The following PSMD9 variants were observed in gnomAD, a reference collection of about 807,000 sequenced individuals.
PSMD9 encodes the protein proteasome 26S subunit, non-ATPase 9.
A neutral mutation model predicts 25.9 loss-of-function variants in PSMD9; 26 were observed. The observed-to-expected ratio is 1.00, with a 90% CI of 0.73 to 1.39. The LOEUF (loss-of-function observed/expected upper bound fraction) is 1.39, where lower values mean the gene tolerates loss of function less well. Among genes scored for constraint, PSMD9 ranks in the 40% most tolerant of loss-of-function variants. The pLI, the probability that PSMD9 is intolerant of heterozygous loss-of-function variation, is 0.00. For synonymous variants in PSMD9, 110 were observed against 114.5 expected (o/e 0.96, Z 0.25); for missense variants, 303 against 299.3 (o/e 1.01, Z -0.09).
At chr12:121,899,877 C>G in intron 3 of PSMD9, 32 bp downstream of exon 3, 2 of 1,611,644 alleles carry the variant, frequency 1.2e-6, no homozygotes, top group Non-Finnish European at 1.7e-6. Context: ...CAAGTCCATG[C>G]CCAGGGGACA....
intron 1 of PSMD9, 136 bp downstream of exon 1, chr12:121,889,130 C>T (rs1878983354): frequency 6.4e-6 from 7 of 1,092,942 alleles, no homozygotes; most frequent in South Asian, 4.9e-5. Flanking sequence ...GCAAGTGCGG[C>T]CTCTGTCGGC....
At chr12:121,897,250 C>T (rs1047088119) in intron 2 of PSMD9, 1 of 152,038 alleles carries the variant, frequency 6.6e-6, no homozygotes. Context: ...ATTACAGGTG[C>T]CCACCATCAC....
chr12:121,907,816 G>A (rs1183522328), intron 4 of PSMD9, among the ~76,000 whole-genome samples: 4 of 152,194 alleles, frequency 2.6e-5, no homozygotes, highest in Non-Finnish European at 5.9e-5. Context: ...AAGGCAGGAG[G>A]ATCACTTGAG....
intron 4 of PSMD9, among the ~76,000 whole-genome samples, chr12:121,913,931 A>T (rs1404664269): frequency 6.6e-6 from 1 of 151,292 alleles, no homozygotes; most frequent in East Asian, 2.0e-4. Context: ...ACAGGGTCTC[A>T]CTCTGTTGCC....
At chr12:121,912,245 G>T (rs1022966674) in intron 4 of PSMD9, among the ~76,000 whole-genome samples, 13 of 150,990 alleles carry the variant, frequency 8.6e-5, no homozygotes, top group Non-Finnish European at 1.8e-4. Context: ...GCCCAGGCTG[G>T]TCTTGAATTC....
At chr12:121,909,007 T>G (rs1879639678) in intron 4 of PSMD9, among the ~76,000 whole-genome samples, 1 of 151,184 alleles carries the variant, frequency 6.6e-6, no homozygotes, top group East Asian at 1.9e-4. Flanking sequence ...CACCGCACAG[T>G]TCCAGATTGG....
At chr12:121,914,225 C>T (rs1879825728) in intron 4 of PSMD9, 1 of 151,954 alleles carries the variant, frequency 6.6e-6, no homozygotes, top group South Asian at 2.1e-4. Context: ...TATGTACTCC[C>T]CCTGCTTTAA....
At chr12:121,900,463 A>G (rs867284643) in intron 3 of PSMD9, among the ~76,000 whole-genome samples, 19 of 151,324 alleles carry the variant, frequency 1.3e-4, no homozygotes, top group African/African-American at 4.6e-4. Context: ...GGCCGAGGCC[A>G]GTGGATCACT....
intron 4 of PSMD9, among the ~76,000 whole-genome samples, chr12:121,905,088 A>G (rs1161496132): frequency 6.6e-6 from 1 of 151,944 alleles, no homozygotes; most frequent in Non-Finnish European, 1.5e-5. Flanking sequence ...CTTTCCAGCC[A>G]CATGTCCTTC....
chr12:121,899,886 C>T, intron 3 of PSMD9, 41 bp downstream of exon 3: 1 of 1,607,608 alleles, frequency 6.2e-7, no homozygotes, highest in African/African-American at 1.3e-5. Context: ...GCCCAGGGGA[C>T]ACGGTGGGTC....
chr12:121,894,966 C>A, intron 2 of PSMD9, 125 bp downstream of exon 2: 1 of 834,570 alleles, frequency 1.2e-6, no homozygotes, highest in Non-Finnish European at 1.9e-6. Context: ...TTGTCTTGTC[C>A]CCATCCAAGG....
intron 4 of PSMD9, chr12:121,911,002 T>A (rs1879703057): frequency 6.6e-6 from 3 of 456,208 alleles, no homozygotes; most frequent in Non-Finnish European, 1.3e-5. Context: ...AGGGACCTCA[T>A]CTAGGTGAAA....
intron 4 of PSMD9, among the ~76,000 whole-genome samples, chr12:121,909,441 G>T (rs891643593): frequency 1.4e-4 from 21 of 151,740 alleles, no homozygotes. Context: ...GGCCTCCCAG[G>T]TAGCTGGGAC....
At chr12:121,893,326 C>T (rs548180646) in intron 1 of PSMD9, among the ~76,000 whole-genome samples, 22 of 152,288 alleles carry the variant, frequency 1.4e-4, no homozygotes, top group Middle Eastern at 6.8e-3. Context: ...GGGTGTAACC[C>T]GGAGGCTTCC....
chr12:121,892,713 A>AG (rs1045427523), intron 1 of PSMD9, among the ~76,000 whole-genome samples: 20 of 151,726 alleles, frequency 1.3e-4, no homozygotes, highest in African/African-American at 4.9e-4. Flanking sequence ...AAAAAAAAAA[A>AG]TTAAAAATTA....
At chr12:121,907,012 C>A (rs1879580192) in intron 4 of PSMD9, among the ~76,000 whole-genome samples, 1 of 150,284 alleles carries the variant, frequency 6.7e-6, no homozygotes, top group African/African-American at 2.4e-5. Context: ...TATTGTGAGA[C>A]ATTTAGATAG....
intron 1 of PSMD9, among the ~76,000 whole-genome samples, chr12:121,892,488 C>T (rs983304657): frequency 3.9e-5 from 6 of 152,118 alleles, no homozygotes; most frequent in Admixed American, 3.9e-4. Context: ...ATCACGAGGT[C>T]AGGAGATCGA....
In PSMD9 at chr12:121,916,026, G is replaced by A. The variant is rs138078914; in HGVS notation, c.644+82G>A. On this transcript the variant is annotated intron_variant, in intron 5 of 5. Coordinates refer to ENST00000541212, the MANE Select transcript of PSMD9 (RefSeq NM_002813.7). ...CATGAAGCTGGAGGGGAAGGCTGGG[G>A]AGACATTGGGGAATAATGGGAATCC... 7.5e-5 allele frequency: 108 copies of A among 1,430,718 alleles called. 2 individuals carry two copies. Among genetic ancestry groups the A allele is most frequent in the South Asian group, 5.8e-4 (49 of 84,100 alleles). 88.6% of individuals were successfully genotyped at this position (1,430,718 alleles called of 1,614,324 possible). A position where few individuals can be genotyped will look rare whatever the true frequency, so the allele number is the denominator to read the frequency against.
At chr12:121,899,889 G>T (rs367766002) in intron 3 of PSMD9, 44 bp downstream of exon 3, 6 of 1,605,834 alleles carry the variant, frequency 3.7e-6, no homozygotes, top group Non-Finnish European at 5.1e-6. Flanking sequence ...CAGGGGACAC[G>T]GTGGGTCAGG....
Sources: allele counts gnomAD v4.1 joint callset (sites outside exome capture counted in the v4.1 genomes callset), GRCh38; gene constraint gnomAD v4.1.1; transcripts MANE v1.5; gene names NCBI Gene and HGNC (gene_info 2026-07-23, HGNC 2026-07-21).